UNC80: variants seen among roughly 807,000 people sequenced by gnomAD.
The protein encoded by UNC80 is protein unc-80 homolog.
UNC80 carries 164 observed loss-of-function variants against 384.6 expected under a neutral mutation model. That is an observed-to-expected ratio of 0.43 (90% CI 0.38 to 0.49). UNC80 has a LOEUF of 0.49. Among genes scored for constraint, UNC80 ranks in the 20% least tolerant of loss-of-function variants. UNC80 has a pLI of 0.00. For missense variants in UNC80, 3,330 were observed against 4,143.0 expected, an observed-to-expected ratio of 0.80 and a Z score of 5.39; for synonymous variants, 1,486 against 1,527.8, an observed-to-expected ratio of 0.97 and a Z score of 0.64.
intron 5 of UNC80, among the ~76,000 whole-genome samples, chr2:209,788,478 A>G (rs1008761398): frequency 2.0e-5 from 3 of 149,562 alleles, no homozygotes; most frequent in African/African-American, 7.3e-5. Flanking sequence ...TAAGTATATA[A>G]AAAGCATAAA....
At chr2:209,930,898 CAAG>C (rs1385409756) in intron 37 of UNC80, 67 bp from the exon 38 acceptor site, 4 of 1,161,346 alleles carry the variant, frequency 3.4e-6, no homozygotes, top group Non-Finnish European at 4.9e-6. Context: ...CCCGAATTTT[CAAG>C]AAGTTAATTT....
intron 22 of UNC80, 112 bp downstream of exon 22, chr2:209,849,735 T>G: frequency 8.4e-7 from 1 of 1,185,864 alleles, no homozygotes; most frequent in Non-Finnish European, 1.2e-6. Flanking sequence ...TGTTTGCTTT[T>G]TCAGAATTAG....
chr2:209,913,709 G>A, intron 30 of UNC80, 93 bp from the exon 31 acceptor site: 2 of 1,328,160 alleles, frequency 1.5e-6, no homozygotes, highest in Non-Finnish European at 1.0e-6. Flanking sequence ...CTTAAGGCAA[G>A]CAGAGAGAGG....
At position 209,817,917 on chromosome 2, in the gene UNC80, C is replaced by T. The variant is rs2079859995; in HGVS notation, c.1658C>T (p.Pro553Leu). The T allele has an allele frequency of 6.4e-7, 1 of 1,551,628 alleles. No individual in the cohort carries two copies. The highest frequency in any genetic ancestry group is 1.2e-5 in the South Asian group (1 of 84,050). Residue 553 changes from proline (P) to leucine (L), a missense_variant, in exon 11 of 65, where the codon CCC becomes CTC. Around this residue, in one of 8 missense-constraint regions of UNC80, gnomAD observed 937 missense variants for 1,026.8 expected, o/e 0.91. Transcript: ENST00000673920. ...HHTLVSDLPD[P>L]SNSHGENTVK... ...ACCCTGGTAAGCGACCTGCCGGACCCCTCCAACAGCCATGGAGAAAACACC... is the reference window on the plus strand; with the variant it reads ...ACCCTGGTAAGCGACCTGCCGGACCTCTCCAACAGCCATGGAGAAAACACC...
At chr2:209,819,317 A>G (rs749138911) in intron 12 of UNC80, 56 bp downstream of exon 12, 1 of 1,477,282 alleles carries the variant, frequency 6.8e-7, no homozygotes, top group Non-Finnish European at 9.1e-7. Context: ...TATTTGGTGC[A>G]TTTTTGCAAT....
At chr2:209,946,459 A>G (rs926678665) in intron 47 of UNC80, among the ~76,000 whole-genome samples, 1 of 152,138 alleles carries the variant, frequency 6.6e-6, no homozygotes, top group Non-Finnish European at 1.5e-5. Context: ...ACAATAGTAA[A>G]TCTTCATTCA....
intron 48 of UNC80, 128 bp from the exon 49 acceptor site, chr2:209,957,516 C>T (rs1199640525): frequency 2.7e-6 from 2 of 740,292 alleles, no homozygotes; most frequent in African/African-American, 1.8e-5. Flanking sequence ...AGCTAGACAG[C>T]CTGTCTTTTG....
chr2:209,957,238 G>A (rs2124998970), intron 48 of UNC80, among the ~76,000 whole-genome samples: 1 of 152,184 alleles, frequency 6.6e-6, no homozygotes, highest in East Asian at 1.9e-4. Context: ...TGGTGTAGGT[G>A]GCCAAAGTGG....
Position 209,872,634 on chromosome 2 carries a change from G to A in UNC80, c.3628-124G>A. 1.1e-6 allele frequency: 1 copy of A among 923,316 alleles called. No individual in the cohort carries two copies. The highest frequency in any genetic ancestry group is 1.7e-6 in the Non-Finnish European group (1 of 605,704). 57.2% of individuals were successfully genotyped at this position (923,316 alleles called of 1,614,324 possible). ...TACTGACACCACCCTGGGAAATATG[G>A]CCAATATAAATCAAAACATGAAGAG... On this transcript the variant is annotated intron_variant, in intron 22 of 64. Coordinates refer to ENST00000673920, the MANE Select transcript of UNC80 (RefSeq NM_001371986.1). This position sits in a 1 kb window ranked among gnomAD's most constrained non-coding sequence, Gnocchi z 4.1.
At chr2:209,800,264 A>G (rs957865036) in intron 7 of UNC80, among the ~76,000 whole-genome samples, 2 of 152,136 alleles carry the variant, frequency 1.3e-5, no homozygotes, top group African/African-American at 4.8e-5. Flanking sequence ...CGGGGATTCA[A>G]ATTCTTCCTG....
At chr2:209,914,641 A>G (rs560991869) in intron 31 of UNC80, among the ~76,000 whole-genome samples, 8 of 128,568 alleles carry the variant, frequency 6.2e-5, no homozygotes, top group South Asian at 5.4e-4. Flanking sequence ...GAATCCTTCT[A>G]GGGTAAACTG....
chr2:209,789,632 A>T, intron 6 of UNC80, 27 bp downstream of exon 6: 1 of 1,523,564 alleles, frequency 6.6e-7, no homozygotes, highest in Non-Finnish European at 9.1e-7. Flanking sequence ...CATAAGAAGA[A>T]GGGAGGCAGA....
At chr2:209,788,282 A>G (rs1251859920) in intron 5 of UNC80, among the ~76,000 whole-genome samples, 5 of 152,010 alleles carry the variant, frequency 3.3e-5, no homozygotes, top group Admixed American at 1.3e-4. Context: ...TGGGCTTGGT[A>G]GCGCATGCCT....
At chr2:209,808,542 A>G (rs1240204021) in intron 7 of UNC80, among the ~76,000 whole-genome samples, 1 of 151,284 alleles carries the variant, frequency 6.6e-6, no homozygotes, top group Non-Finnish European at 1.5e-5. Flanking sequence ...AAAAAAAAAA[A>G]AGTAAGGCGG....
chr2:209,780,073 A>G (rs927489242), intron 4 of UNC80, among the ~76,000 whole-genome samples: 1 of 152,216 alleles, frequency 6.6e-6, no homozygotes, highest in African/African-American at 2.4e-5. Context: ...ATACAAAGAA[A>G]TTCATTAACA....
At chr2:209,873,084 G>T in intron 23 of UNC80, 114 bp downstream of exon 23, 1 of 955,742 alleles carries the variant, frequency 1.0e-6, no homozygotes, top group Non-Finnish European at 1.6e-6. Flanking sequence ...TTATGTACCA[G>T]GTACTGAAGG....
chr2:209,994,643 A>G (rs926706118), intron 64 of UNC80, among the ~76,000 whole-genome samples: 4 of 152,236 alleles, frequency 2.6e-5, no homozygotes, highest in African/African-American at 9.6e-5. Flanking sequence ...TTCATGCTCA[A>G]AGAAAATGCT....
intron 14 of UNC80, among the ~76,000 whole-genome samples, chr2:209,828,843 C>T (rs185182458): frequency 1.3e-5 from 2 of 152,242 alleles, no homozygotes; most frequent in East Asian, 1.9e-4. Flanking sequence ...ATGCATCTTC[C>T]CATTGCACAC....
chr2:209,875,130 C>A (rs1358355108), intron 23 of UNC80, among the ~76,000 whole-genome samples: 1 of 152,170 alleles, frequency 6.6e-6, no homozygotes, highest in African/African-American at 2.4e-5. Flanking sequence ...TACAGCCCAG[C>A]CCACCCAAGA....
Sources: allele counts gnomAD v4.1 joint callset (sites outside exome capture counted in the v4.1 genomes callset), GRCh38; gene constraint gnomAD v4.1.1; regional missense constraint gnomAD v4.1.1; non-coding constraint Gnocchi (gnomAD v3.1); transcripts MANE v1.5; gene names NCBI Gene and HGNC (gene_info 2026-07-23, HGNC 2026-07-21).